The following BLTP1 variants were observed in gnomAD, a reference collection of about 807,000 sequenced individuals.
BLTP1 encodes bridge-like lipid transfer protein family member 1, also known as fragile site-associated protein.
the BLTP1 span, chr4:122,292,734 A>G: frequency 2.8e-6 from 1 of 358,500 alleles, no homozygotes; most frequent in African/African-American, 2.2e-5. Context: ...AACTAGAGAA[A>G]CAATAAGCCT....
chr4:122,359,783 T>C, the BLTP1 span: 4 of 1,523,110 alleles, frequency 2.6e-6, no homozygotes, highest in Non-Finnish European at 2.6e-6. Context: ...CAAAAAGTTA[T>C]GAATAATGTA....
At chr4:122,246,794 C>T in the BLTP1 span, 1 of 1,612,728 alleles carries the variant, frequency 6.2e-7, no homozygotes, top group Non-Finnish European at 8.5e-7. Flanking sequence ...AATTGCTACA[C>T]AGGTTCGCAT....
At chr4:122,343,149 G>C in the BLTP1 span, among the ~76,000 whole-genome samples, 1 of 152,312 alleles carries the variant, frequency 6.6e-6, no homozygotes, top group Middle Eastern at 3.4e-3. Context: ...AGGAAACCAT[G>C]CAGTAGGCCA....
At chr4:122,281,592 C>G in the BLTP1 span, 1 of 1,612,444 alleles carries the variant, frequency 6.2e-7, no homozygotes, top group Non-Finnish European at 8.5e-7. Context: ...AAAACCCCAA[C>G]AAGTGTTAAT....
the BLTP1 span, chr4:122,174,674 A>G: frequency 6.7e-7 from 1 of 1,489,390 alleles, no homozygotes; most frequent in South Asian, 1.2e-5. Flanking sequence ...AAAAAATTGA[A>G]AAGGACCCAT....
chr4:122,281,148 G>A, the BLTP1 span: 6 of 205,902 alleles, frequency 2.9e-5, no homozygotes, highest in African/African-American at 4.7e-5. Flanking sequence ...TGTTATTATT[G>A]TTATTGTTGG....
the BLTP1 span, among the ~76,000 whole-genome samples, chr4:122,162,881 T>C: frequency 6.6e-6 from 1 of 152,214 alleles, no homozygotes; most frequent in Non-Finnish European, 1.5e-5. Context: ...TGCATTTGGG[T>C]TCATTCTTTC....
chr4:122,198,988 G>GTAACCTTATA, the BLTP1 span, among the ~76,000 whole-genome samples: 2 of 152,084 alleles, frequency 1.3e-5, no homozygotes, highest in Non-Finnish European at 2.9e-5. Context: ...CTGTTACTTA[G>GTAACCTTATA]TAACCATCAT....
the BLTP1 span, chr4:122,345,164 A>C: frequency 2.2e-6 from 1 of 458,614 alleles, no homozygotes; most frequent in Non-Finnish European, 2.9e-6. Flanking sequence ...GTTTTAGGGT[A>C]AACTTTTACC....
chr4:122,339,160 T>G, the BLTP1 span: 1 of 1,563,262 alleles, frequency 6.4e-7, no homozygotes. Context: ...TTTAAAACTT[T>G]TCTTTTATCC....
At chr4:122,257,573 G>A in the BLTP1 span, 78 of 1,338,098 alleles carry the variant, frequency 5.8e-5, no homozygotes, top group South Asian at 1.0e-3. Flanking sequence ...CACAATTACT[G>A]TATGTTTTTT....
At chr4:122,189,138 T>C in the BLTP1 span, 1 of 884,580 alleles carries the variant, frequency 1.1e-6, no homozygotes, top group Non-Finnish European at 1.4e-6. Flanking sequence ...CTATTAATAA[T>C]TTGTATAAAA....
chr4:122,342,994 C>G, the BLTP1 span, among the ~76,000 whole-genome samples: 51 of 152,296 alleles, frequency 3.3e-4, no homozygotes, highest in African/African-American at 1.2e-3. Context: ...ATACCTTGCC[C>G]TGTTTCCACT....
the BLTP1 span, chr4:122,156,096 T>C: frequency 2.9e-5 from 10 of 350,826 alleles, no homozygotes; most frequent in Non-Finnish European, 3.6e-5. Flanking sequence ...GAACAGTAGA[T>C]TGGGGAACAT....
At chr4:122,240,796 G>A in the BLTP1 span, among the ~76,000 whole-genome samples, 5 of 152,206 alleles carry the variant, frequency 3.3e-5, no homozygotes, top group Non-Finnish European at 5.9e-5. Context: ...GGGCATTTCC[G>A]TAATGTATTC....
At chr4:122,330,334 A>G in the BLTP1 span, among the ~76,000 whole-genome samples, 21 of 151,800 alleles carry the variant, frequency 1.4e-4, no homozygotes, top group Admixed American at 3.3e-4. Flanking sequence ...TCTGTTTTGC[A>G]TTCCTACCAA....
chr4:122,347,311 C>T, the BLTP1 span: 2 of 898,342 alleles, frequency 2.2e-6, no homozygotes, highest in African/African-American at 3.6e-5. Flanking sequence ...TAAACTGAGA[C>T]CAGAGGTCCT....
chr4:122,238,746 C>T, the BLTP1 span, among the ~76,000 whole-genome samples: 2 of 152,162 alleles, frequency 1.3e-5, no homozygotes, highest in East Asian at 1.9e-4. Context: ...TTCAAAATTT[C>T]GTCCCACCTC....
the BLTP1 span, chr4:122,354,130 C>T: frequency 1.1e-6 from 1 of 915,368 alleles, no homozygotes; most frequent in Non-Finnish European, 1.6e-6. Flanking sequence ...AAACAATTTT[C>T]ATTTTAATCT....
Sources: gnomAD v4.1 joint callset for allele counts (sites outside exome capture counted in the v4.1 genomes callset) on GRCh38, gnomAD v4.1.1 for gene constraint, MANE v1.5 for transcripts, NCBI Gene and HGNC (gene_info 2026-07-23, HGNC 2026-07-21) for gene names.